ECM2: variants seen among roughly 807,000 people sequenced by gnomAD.
ECM2 encodes extracellular matrix protein 2, female organ and adipocyte specific.
Under a neutral mutation model 67.5 loss-of-function variants are expected in ECM2, and 57 were observed. The observed-to-expected ratio is 0.84, with a 90% confidence interval of 0.68 to 1.05. The LOEUF is 1.05. ECM2 is among the 50% of genes least tolerant of loss of function. ECM2 has a pLI of 0.00. For missense variants in ECM2, 741 were observed against 822.8 expected (o/e 0.90, Z 1.22); for synonymous variants, 258 against 294.5 (o/e 0.88, Z 1.27).
chr9:92,545,565 C>G, the ECM2 span, among the ~76,000 whole-genome samples: 17 of 152,358 alleles, frequency 1.1e-4, no homozygotes, highest in Admixed American at 5.9e-4. Flanking sequence ...CGAGCCTCCC[C>G]GACGAGCTCT....
chr9:92,559,038 A>T, the ECM2 span, among the ~76,000 whole-genome samples: 1 of 151,896 alleles, frequency 6.6e-6, no homozygotes, highest in Admixed American at 6.6e-5. Context: ...TTGAAAACTT[A>T]CCCGAGGCTG....
At chr9:92,505,766 A>T in intron 6 of ECM2, 76 bp from the exon 7 acceptor site, 1 of 1,226,026 alleles carries the variant, frequency 8.2e-7, no homozygotes, top group South Asian at 1.5e-5. Flanking sequence ...TTGAAATGTC[A>T]TGTGAAATGG....
intron 7 of ECM2, among the ~76,000 whole-genome samples, chr9:92,502,997 A>G (rs936239716): frequency 1.3e-5 from 2 of 151,842 alleles, no homozygotes; most frequent in Admixed American, 6.6e-5. Flanking sequence ...TTGTAGAGAC[A>G]GGGTCTCACC....
intron 1 of ECM2, among the ~76,000 whole-genome samples, chr9:92,533,123 C>A (rs937945966): frequency 6.7e-6 from 1 of 149,818 alleles, no homozygotes; most frequent in Non-Finnish European, 1.5e-5. Flanking sequence ...ATGGTGAAAC[C>A]CCGTCTCTAT....
At chr9:92,533,415 T>A (rs1848981698) in intron 1 of ECM2, among the ~76,000 whole-genome samples, 2 of 146,790 alleles carry the variant, frequency 1.4e-5, no homozygotes, top group South Asian at 4.5e-4. Flanking sequence ...GCCTCCATTT[T>A]GTTTGTTTGT....
Position 92,496,330 on chromosome 9 carries a change from T to C in ECM2, c.2085A>G (p.Pro695=). 6.3e-7 allele frequency: 1 copy of C among 1,581,984 alleles called. No individual in the cohort carries two copies. The highest frequency in any genetic ancestry group is 8.6e-7 in the Non-Finnish European group (1 of 1,169,286). The change falls in exon 10 of 10, where the codon CCA becomes CCG. Residue 695 remains proline, a synonymous_variant. Coordinates refer to ENST00000344604, the MANE Select transcript of ECM2 (RefSeq NM_001393.4). ...AAACTTGGAATTACTTGATGTTTTGTGGTTTAAGAACGATACTTGAGTATG... is the reference window on the plus strand; with the variant it reads ...AAACTTGGAATTACTTGATGTTTTGCGGTTTAAGAACGATACTTGAGTATG... ...IRSYSSIVLK[P]QNIK is the part of the protein sequence containing the mutation.
chr9:92,538,414 C>G (rs932983262), upstream of ECM2, among the ~76,000 whole-genome samples: 1 of 152,084 alleles, frequency 6.6e-6, no homozygotes, highest in African/African-American at 2.4e-5. Context: ...GTAATTACAG[C>G]GAGACTTTTA....
intron 4 of ECM2, among the ~76,000 whole-genome samples, chr9:92,514,105 G>A (rs950087880): frequency 5.4e-5 from 8 of 149,218 alleles, no homozygotes. Flanking sequence ...AGTCTTCACA[G>A]AGCAATGAGA....
chr9:92,536,955 C>T (rs575224002), upstream of ECM2, among the ~76,000 whole-genome samples: 1 of 151,554 alleles, frequency 6.6e-6, no homozygotes, highest in Non-Finnish European at 1.5e-5. Context: ...CTGAAACCTC[C>T]GCCTCCCAGG....
At chr9:92,543,346 A>G in the ECM2 span, among the ~76,000 whole-genome samples, 2,055 of 151,944 alleles carry the variant, frequency 0.014, 17 homozygotes, top group South Asian at 0.021. Flanking sequence ...GGTGGTACGT[A>G]CCTGTAGTCT....
the ECM2 span, among the ~76,000 whole-genome samples, chr9:92,546,860 A>C: frequency 6.6e-6 from 1 of 152,324 alleles, no homozygotes; most frequent in East Asian, 1.9e-4. Context: ...ACTATTGAGG[A>C]TATTGAGTTC....
intron 2 of ECM2, among the ~76,000 whole-genome samples, chr9:92,520,275 C>T (rs73522310): frequency 0.014 from 2,110 of 151,490 alleles, 57 homozygotes; most frequent in African/African-American, 0.049. Context: ...AGAGCAAGAC[C>T]CCATCTCTTA....
intron 1 of ECM2, among the ~76,000 whole-genome samples, chr9:92,533,835 T>G (rs558688562): frequency 6.6e-6 from 1 of 152,294 alleles, no homozygotes; most frequent in South Asian, 2.1e-4. Context: ...GTCCATTATT[T>G]CTTATATTTA....
chr9:92,525,326 A>G (rs1010973501), intron 1 of ECM2, among the ~76,000 whole-genome samples: 1 of 152,062 alleles, frequency 6.6e-6, no homozygotes, highest in African/African-American at 2.4e-5. Context: ...TCAAAAAAAA[A>G]AAAAGAAAAG....
At chr9:92,510,097 A>G (rs1393322084) in intron 5 of ECM2, 63 bp from the exon 6 acceptor site, 2 of 1,524,280 alleles carry the variant, frequency 1.3e-6, no homozygotes, top group African/African-American at 2.8e-5. Context: ...CACATTTCAT[A>G]TAATGGTCGT....
chr9:92,555,418 G>A, the ECM2 span, among the ~76,000 whole-genome samples: 186 of 151,334 alleles, frequency 1.2e-3, no homozygotes, highest in Middle Eastern at 0.037. Flanking sequence ...CAGTAGAAAC[G>A]GGATTTCACC....
Position 92,500,736 on chromosome 9 carries a change from T to C in ECM2, c.1922A>G (p.Asn641Ser). 1 of 1,609,098 alleles carries C rather than the reference T, an allele frequency of 6.2e-7. No individual in the cohort carries two copies. The highest frequency in any genetic ancestry group is 8.5e-7 in the Non-Finnish European group (1 of 1,176,220). Reference protein sequence around the residue: ...KALHFLRLNNNKIRNILPEEI... With the variant: ...KALHFLRLNNSKIRNILPEEI... ...AAAAGCCAAAATTTACCGTATCTTG[T>C]TGTTGTTCAGCCTCAGAAAATGTAG... Residue 641 changes from asparagine to serine, a missense_variant, in exon 9 of 10, where the codon AAC (asparagine) becomes AGC (serine). Coordinates refer to ENST00000344604, the MANE Select transcript of ECM2 (RefSeq NM_001393.4).
At chr9:92,544,542 GGT>G in the ECM2 span, among the ~76,000 whole-genome samples, 1,868 of 139,278 alleles carry the variant, frequency 0.013, 35 homozygotes, top group African/African-American at 0.043. Context: ...TTTGTTGAGG[GGT>G]TTTTTTTTTT....
At chr9:92,544,303 C>T in the ECM2 span, among the ~76,000 whole-genome samples, 3 of 152,080 alleles carry the variant, frequency 2.0e-5, no homozygotes, top group African/African-American at 7.2e-5. Flanking sequence ...TGACAAAATC[C>T]CGTCTCTACT....
Sources: allele counts gnomAD v4.1 joint callset (sites outside exome capture counted in the v4.1 genomes callset), GRCh38; gene constraint gnomAD v4.1.1; transcripts MANE v1.5; gene names NCBI Gene and HGNC (gene_info 2026-07-23, HGNC 2026-07-21).